The following ROBO2 variants were observed in gnomAD, a reference collection of about 807,000 sequenced individuals.
ROBO2 encodes the protein roundabout guidance receptor 2.
A neutral mutation model predicts 160.8 loss-of-function variants in ROBO2; 53 were observed. The observed-to-expected ratio is 0.33, with a 90% CI of 0.26 to 0.41. The LOEUF is 0.41. ROBO2 is among the 10% of genes least tolerant of loss of function. The probability of loss-of-function intolerance (pLI) is 1.00; values close to 1 mark genes in which losing one functional copy is unlikely to be tolerated. For missense variants in ROBO2, 1,577 were observed against 1,722.4 expected (o/e 0.92, Z 1.49); for synonymous variants, 664 against 611.7 (o/e 1.09, Z -1.26).
intron 2 of ROBO2, among the ~76,000 whole-genome samples, chr3:76,601,775 C>T (rs11127551): frequency 0.82 from 124,439 of 152,062 alleles, 52,209 homozygotes; most frequent in Middle Eastern, 0.96. Flanking sequence ...TTAACATTGC[C>T]ATTCCACTCC....
intron 6 of ROBO2, among the ~76,000 whole-genome samples, chr3:77,523,746 TCAAA>T (rs1285396551): frequency 1.3e-5 from 2 of 151,180 alleles, no homozygotes; most frequent in African/African-American, 4.8e-5. Flanking sequence ...TCCTAGAAAA[TCAAA>T]CAAAGATAGG....
intron 6 of ROBO2, among the ~76,000 whole-genome samples, chr3:77,533,185 T>C (rs2091872222): frequency 6.6e-6 from 1 of 152,144 alleles, no homozygotes; most frequent in Admixed American, 6.5e-5. Context: ...TTCTCAGTAT[T>C]GTACTAGGCC....
At chr3:77,339,874 T>C (rs114028796) in intron 2 of ROBO2, among the ~76,000 whole-genome samples, 4,659 of 152,228 alleles carry the variant, frequency 0.031, 243 homozygotes, top group African/African-American at 0.1. Flanking sequence ...TGCCTGAATT[T>C]GCCCTGCTGG....
intron 2 of ROBO2, among the ~76,000 whole-genome samples, chr3:76,580,185 G>A (rs758778079): frequency 6.6e-6 from 1 of 151,988 alleles, no homozygotes; most frequent in Non-Finnish European, 1.5e-5. Flanking sequence ...TGAGTACTGA[G>A]TATAGGTTTA....
chr3:77,405,027 G>A (rs1169564908), intron 2 of ROBO2, among the ~76,000 whole-genome samples: 1 of 152,088 alleles, frequency 6.6e-6, no homozygotes, highest in East Asian at 1.9e-4. Flanking sequence ...AGAATTGTTT[G>A]TTTACCTACC....
chr3:76,127,597 A>AAATATATATATATAT (rs879328622), intron 2 of ROBO2, among the ~76,000 whole-genome samples: 1 of 118,336 alleles, frequency 8.5e-6, no homozygotes. Context: ...GGTTTGAAAA[A>AAATATATATATATAT]ATATATATAT....
At position 77,226,703 on chromosome 3, in the gene ROBO2, C is replaced by G. The variant is rs372281590; in HGVS notation, c.388+128363C>G. Among the ~76,000 whole-genome samples, 9 of 152,232 alleles carry G rather than the reference C, an allele frequency of 5.9e-5. No homozygotes were observed. The East Asian group carries it at 1.2e-3, about 20-fold the overall frequency. ...ATACCTAACCTACCCAACATCATAG[C>G]TTAGTCTATCTTAAACATGCTCAGA... On this transcript the variant is annotated intron_variant, in intron 2 of 25. Transcript: ENST00000461745.
intron 2 of ROBO2, among the ~76,000 whole-genome samples, chr3:76,760,537 A>C (rs115816934): frequency 0.012 from 1,764 of 151,876 alleles, 18 homozygotes; most frequent in Non-Finnish European, 0.018. Context: ...GCAATCTGGG[A>C]TCTCCAGCTG....
rs563424715 is a variant in ROBO2, at chr3:76,788,885, T to G, written c.110-309129T>G. 7.4e-4 allele frequency among the ~76,000 whole-genome samples: 112 copies of G among 151,706 alleles called. 1 individual carries two copies. The highest frequency in any genetic ancestry group is 9.5e-4 in the Non-Finnish European group (64 of 67,704). ...GTGATAATCAAAAGAAACTTAGGGT[T>G]GAACACTGATCCTATTATAGCAAAT... On this transcript the variant is annotated intron_variant, in intron 2 of 26. Coordinates refer to the ROBO2 transcript ENST00000487694.
At chr3:77,329,055 C>G (rs140419162) in intron 2 of ROBO2, among the ~76,000 whole-genome samples, 1 of 152,166 alleles carries the variant, frequency 6.6e-6, no homozygotes, top group Non-Finnish European at 1.5e-5. Context: ...ATGTGTTGAT[C>G]CAAGTCTCCC....
At chr3:76,928,915 C>T (rs560338199) in intron 2 of ROBO2, among the ~76,000 whole-genome samples, 17 of 152,180 alleles carry the variant, frequency 1.1e-4, no homozygotes, top group Non-Finnish European at 2.2e-4. Context: ...TTCCCCTCAA[C>T]TGCCCGTGGG....
At position 77,133,528 on chromosome 3, in the gene ROBO2, A is replaced by G. The variant is rs140709502; in HGVS notation, c.388+35188A>G. The stretch of plus-strand genomic sequence containing the variant: ...ACGTATAAAACAAATTATGATTAGG[A>G]AAGGAATTATGTGGATGTAAAGAAC... On this transcript the variant is annotated intron_variant, in intron 2 of 25. Coordinates refer to ENST00000461745, the Ensembl canonical transcript of ROBO2. Among the ~76,000 whole-genome samples, 255 of 151,930 alleles carry G rather than the reference A, an allele frequency of 1.7e-3. 1 individual carries two copies. Among genetic ancestry groups the G allele is most frequent in the Non-Finnish European group, 2.1e-3 (141 of 67,890 alleles).
rs1553650177 is a variant in ROBO2 at position 77,537,099 on chromosome 3, T to TAG, written c.935-9239_935-9238insAG. Among the ~76,000 whole-genome samples the TAG allele has an allele frequency of 2.5e-3, 322 of 127,862 alleles. 3 individuals carry two copies. The highest frequency in any genetic ancestry group is 8.3e-3 in the African/African-American group (288 of 34,500). 83.9% of individuals were successfully genotyped at this position (127,862 alleles called of 152,430 possible). A position where few individuals can be genotyped will look rare whatever the true frequency, so the allele number is the denominator to read the frequency against. On this transcript the variant is annotated intron_variant, in intron 6 of 25. Transcript: ENST00000461745. ...TTTCATAAAACATATACATATTTTGTGGGGGGGGGGTGTATTACACTTACC... is the reference window on the plus strand; with the variant it reads ...TTTCATAAAACATATACATATTTTGTAGGGGGGGGGGGTGTATTACACTTACC...
intron 2 of ROBO2, among the ~76,000 whole-genome samples, chr3:76,676,389 C>T (rs981414884): frequency 1.3e-5 from 2 of 150,970 alleles, no homozygotes; most frequent in African/African-American, 5.0e-5. Context: ...TGAGGCCTCC[C>T]TAGCCCTGCA....
intron 2 of ROBO2, among the ~76,000 whole-genome samples, chr3:76,312,370 G>A (rs752157540): frequency 3.9e-5 from 6 of 152,112 alleles, no homozygotes; most frequent in Non-Finnish European, 7.4e-5. Context: ...TTTTAAAAAT[G>A]TACCACAATA....
intron 2 of ROBO2, among the ~76,000 whole-genome samples, chr3:77,281,985 A>C (rs1399984473): frequency 6.6e-6 from 1 of 152,174 alleles, no homozygotes; most frequent in Non-Finnish European, 1.5e-5. Context: ...GACCAGTATG[A>C]GTCCCTGGCC....
chr3:76,319,392 T>C (rs921711234), intron 2 of ROBO2, among the ~76,000 whole-genome samples: 4 of 152,106 alleles, frequency 2.6e-5, no homozygotes, highest in African/African-American at 4.8e-5. Flanking sequence ...AACTATTCTA[T>C]ATATGGATTC....
At chr3:76,304,738 T>TTTCCTTCTTTC (rs749689673) in intron 2 of ROBO2, among the ~76,000 whole-genome samples, 1 of 29,016 alleles carries the variant, frequency 3.4e-5, no homozygotes, top group African/African-American at 7.1e-5. Context: ...CTTTCTTTTC[T>TTTCCTTCTTTC]TTTCTTTCCT....
At chr3:77,444,793 A>T (rs971461381) in intron 2 of ROBO2, among the ~76,000 whole-genome samples, 5 of 152,206 alleles carry the variant, frequency 3.3e-5, no homozygotes, top group Admixed American at 2.0e-4. Context: ...TTTAAGCTAT[A>T]TAATGTATAG....
Sources: gnomAD v4.1 joint callset for allele counts (sites outside exome capture counted in the v4.1 genomes callset) on GRCh38, gnomAD v4.1.1 for gene constraint, MANE v1.5 for transcripts, NCBI Gene and HGNC (gene_info 2026-07-23, HGNC 2026-07-21) for gene names.